The following PNN variants were observed in gnomAD, a reference collection of about 807,000 sequenced individuals.
PNN encodes the protein pinin, desmosome associated protein.
A neutral mutation model predicts 76.6 loss-of-function variants in PNN; 38 were observed. The ratio of observed to expected loss-of-function variants is 0.50; its 90% CI spans 0.38 to 0.65. The LOEUF is 0.65. Ranked by LOEUF, PNN falls within the 30% of genes least tolerant of loss-of-function variation. The pLI is 0.00. For missense variants in PNN, 873 were observed against 874.1 expected (o/e 1.00, Z 0.02); for synonymous variants, 366 against 283.7 (o/e 1.29, Z -2.91).
intron 8 of PNN, among the ~76,000 whole-genome samples, chr14:39,180,278 G>A (rs938372232): frequency 1.3e-5 from 2 of 152,186 alleles, no homozygotes; most frequent in Non-Finnish European, 2.9e-5. Flanking sequence ...GTTAGAAAAT[G>A]TGTAGTTCTG....
chr14:39,179,574 T>G, intron 8 of PNN, 112 bp downstream of exon 8: 1 of 983,760 alleles, frequency 1.0e-6, no homozygotes, highest in Non-Finnish European at 1.5e-6. Flanking sequence ...TTTGCTGTGT[T>G]TGCTTTTTTT....
chr14:39,179,634 C>T (rs950954458), intron 8 of PNN, among the ~76,000 whole-genome samples, 172 bp downstream of exon 8: 7 of 151,728 alleles, frequency 4.6e-5, no homozygotes, highest in African/African-American at 1.7e-4. Context: ...TGGCTCACGC[C>T]TGTAATCCCA....
In PNN at chr14:39,176,190, G is replaced by C. The variant is rs756645626; in HGVS notation, c.185+41G>C. 3.7e-6 allele frequency: 4 copies of C among 1,086,348 alleles called. No individual in the cohort carries two copies. The South Asian group carries it at 5.1e-5, about 14-fold the overall frequency. 67.3% of individuals were successfully genotyped at this position (1,086,348 alleles called of 1,614,324 possible). ...GACTTTACTCATGCTGAAACTACTG[G>C]TACTTTACTAAATATGTTGGTTTGA... On this transcript the variant is annotated intron_variant, in intron 2 of 8. Coordinates refer to ENST00000216832, the MANE Select transcript of PNN (RefSeq NM_002687.4).
intron 2 of PNN, 71 bp from the exon 3 acceptor site, chr14:39,176,456 T>C (rs747604955): frequency 2.4e-5 from 28 of 1,185,524 alleles, no homozygotes; most frequent in African/African-American, 4.6e-5. Flanking sequence ...TTTAACCATA[T>C]TCTCTTGTCA....
At chr14:39,176,196 T>G (rs778328605) in intron 2 of PNN, 47 bp downstream of exon 2, 9 of 1,049,998 alleles carry the variant, frequency 8.6e-6, no homozygotes, top group Non-Finnish European at 1.3e-5. Context: ...ACTGGTACTT[T>G]ACTAAATATG....
Position 39,178,246 on chromosome 14 carries a change from C to T in PNN, c.498+330C>T, listed in dbSNP as rs188072770. Among the ~76,000 whole-genome samples, 145 of 152,206 alleles carry T rather than the reference C, an allele frequency of 9.5e-4. 1 individual carries two copies. The highest frequency in any genetic ancestry group is 1.8e-4 in the Non-Finnish European group (12 of 68,012). ...GGTATCCTGAATTGAAAATGTGAAGCGGCCAGGTGCAGTGGCTCATGCCTG... is the reference window on the plus strand; with the variant it reads ...GGTATCCTGAATTGAAAATGTGAAGTGGCCAGGTGCAGTGGCTCATGCCTG... On this transcript the variant is annotated intron_variant, in intron 6 of 8. Transcript: ENST00000216832.
Position 39,177,706 on chromosome 14 carries a change from A to T in PNN, c.422+19A>T, listed in dbSNP as rs1416661599. Reference sequence around the variant, plus strand: ...AGCAAAGGTATTTCCCTGGGGGAAAAAAACTCTAGTGAAATAATGCAGTTA... The same window carrying T: ...AGCAAAGGTATTTCCCTGGGGGAAATAAACTCTAGTGAAATAATGCAGTTA... On this transcript the variant is annotated intron_variant, in intron 5 of 8. Transcript: ENST00000216832. The T allele has an allele frequency of 3.2e-6, 5 of 1,569,108 alleles. No homozygotes were observed. Among genetic ancestry groups the T allele is most frequent in the Middle Eastern group, 3.3e-4 (2 of 5,990 alleles).
Position 39,180,951 on chromosome 14 carries a change from A to G in PNN, c.1242A>G (p.Val414=). The part of the protein sequence containing the change: ...EVMETNRVES[V]EPSENEASKE... ...TGGAAACTAATCGAGTTGAAAGTGT[A>G]GAACCTTCAGAAAATGAAGCTAGCA... The change falls in exon 9 of 9, where the codon GTA becomes GTG. Residue 414 remains valine (V), a synonymous_variant. Coordinates refer to ENST00000216832, the MANE Select transcript of PNN (RefSeq NM_002687.4). 3.7e-6 allele frequency: 6 copies of G among 1,613,990 alleles called. No individual in the cohort carries two copies. The highest frequency in any genetic ancestry group is 3.4e-6 in the Non-Finnish European group (4 of 1,179,944).
rs376380048 is a variant in PNN at position 39,175,273 on chromosome 14, G to A, written c.-7G>A. 6.4e-6 allele frequency: 10 copies of A among 1,570,634 alleles called. No homozygotes were observed. The highest frequency in any genetic ancestry group is 8.7e-6 in the Non-Finnish European group (10 of 1,144,970). ...TAAAGCAGTCTCAAGCCTGCCGCAG[G>A]GAGAAGATGGCGGTCGCCGTGAGAA... On this transcript the variant is annotated 5_prime_UTR_variant, in exon 1 of 9. Coordinates refer to ENST00000216832, the MANE Select transcript of PNN (RefSeq NM_002687.4).
Position 39,179,111 on chromosome 14 carries a change from T to A in PNN, c.519T>A (p.Ile173=), listed in dbSNP as rs768315207. 1 of 1,610,664 alleles carries A rather than the reference T, an allele frequency of 6.2e-7. No homozygotes were observed. Among genetic ancestry groups the A allele is most frequent in the East Asian group, 2.2e-5 (1 of 44,878 alleles). ...TTTAGCAAAAGCGGCGCCAGGAAATTGAACAAAAACTTGAAGTTCAGGCAG... is the reference window on the plus strand; with the variant it reads ...TTTAGCAAAAGCGGCGCCAGGAAATAGAACAAAAACTTGAAGTTCAGGCAG... ...ATERQKRRQE[I]EQKLEVQAEE... Residue 173 remains isoleucine, a synonymous_variant, in exon 7 of 9, where the codon ATT becomes ATA. Coordinates refer to ENST00000216832, the MANE Select transcript of PNN (RefSeq NM_002687.4).
rs751478710 is a variant in PNN at position 39,175,274 on chromosome 14, G to A, written c.-6G>A. 5.7e-6 allele frequency: 9 copies of A among 1,574,790 alleles called. No individual in the cohort carries two copies. The highest frequency in any genetic ancestry group is 4.1e-5 in the African/African-American group (3 of 74,050). On this transcript the variant is annotated 5_prime_UTR_variant, in exon 1 of 9. Transcript: ENST00000216832. ...AAAGCAGTCTCAAGCCTGCCGCAGG[G>A]AGAAGATGGCGGTCGCCGTGAGAAC...
chr14:39,175,304 C>G lies in PNN; in HGVS notation c.25C>G (p.Gln9Glu). 6.2e-7 allele frequency: 1 copy of G among 1,608,532 alleles called. No homozygotes were observed. Among genetic ancestry groups the G allele is most frequent in the East Asian group, 2.2e-5 (1 of 44,552 alleles). The change falls in exon 1 of 9, where the codon CAG becomes GAG. Residue 9 changes from glutamine (Q) to glutamate (E), a missense_variant. Gln to Glu is a conservative substitution (Grantham distance 29, BLOSUM62 2). Coordinates refer to ENST00000216832, the MANE Select transcript of PNN (RefSeq NM_002687.4). ...GATGGCGGTCGCCGTGAGAACTTTG[C>G]AGGAACAGCTGGAAAAGGCCAAAGA... The part of the protein sequence containing the change: MAVAVRTL[Q>E]EQLEKAKESL...
chr14:39,177,447 G>A lies in PNN; in HGVS notation c.290G>A (p.Arg97His). The A allele has an allele frequency of 9.9e-6, 16 of 1,614,094 alleles. No homozygotes were observed. Among genetic ancestry groups the A allele is most frequent in the East Asian group, 2.2e-5 (1 of 44,884 alleles). The stretch of plus-strand genomic sequence containing the variant: ...GAGCGTCGGACCAGAAGAGAATCAC[G>A]CCAGGAAAGCGACCCGGAGGATGAT... The part of the protein sequence containing the change: ...GGERRTRRES[R>H]QESDPEDDDV... Residue 97 changes from arginine to histidine, a missense_variant, in exon 4 of 9, where the codon CGC (arginine) becomes CAC (histidine). Physicochemically the swap from Arg to His is conservative, Grantham distance 29. This residue lies in a region of PNN where 156 missense variants were observed against 161.7 expected (regional missense o/e 0.96). Coordinates refer to ENST00000216832, the MANE Select transcript of PNN (RefSeq NM_002687.4).
chr14:39,175,893 G>A, intron 1 of PNN, 185 bp from the exon 2 acceptor site: 1 of 572,878 alleles, frequency 1.7e-6, no homozygotes, highest in Non-Finnish European at 3.1e-6. Context: ...CACAGGTCCT[G>A]GAGAAACGAG....
Position 39,181,527 on chromosome 14 carries a change from T to C in PNN, c.1818T>C (p.Ser606=). 6.2e-7 allele frequency: 1 copy of C among 1,602,744 alleles called. No homozygotes were observed. Among genetic ancestry groups the C allele is most frequent in the Admixed American group, 1.7e-5 (1 of 57,278 alleles). ...GTGGAAGTAGTAGCAGTCGCAGTAG[T>C]TCCAGTAGCAGCTCCAGTACAAGTG... ...SSSGSSSSRS[S]SSSSSSTSGS... is the part of the protein sequence containing the mutation. The change falls in exon 9 of 9, where the codon AGT becomes AGC. Residue 606 remains serine, a synonymous_variant. Transcript: ENST00000216832.
chr14:39,176,312 G>GA, intron 2 of PNN, 163 bp downstream of exon 2: 1 of 630,252 alleles, frequency 1.6e-6, no homozygotes, highest in Non-Finnish European at 2.8e-6. Flanking sequence ...TAGTTATCCT[G>GA]AAAAACTGGA....
intron 8 of PNN, 133 bp from the exon 9 acceptor site, chr14:39,180,370 C>T: frequency 1.1e-6 from 1 of 893,360 alleles, no homozygotes. Context: ...ACTTAATTGC[C>T]ATAATCTTTT....
chr14:39,176,101 C>T lies in PNN; in HGVS notation c.137C>T (p.Ala46Val). Residue 46 changes from alanine (A) to valine (V), a missense_variant, in exon 2 of 9, where the codon GCC becomes GTC. Ala to Val is a moderately conservative substitution (Grantham distance 64, BLOSUM62 0). This residue lies in a region of PNN where 156 missense variants were observed against 161.7 expected (regional missense o/e 0.96). Transcript: ENST00000216832. ...DVRPIQARLL[A>V]LSGPGGGRGR... ...AGGCCCATCCAAGCCAGATTGCTGG[C>T]CCTTTCTGGTCCTGGTGGAGGTAGA... The T allele has an allele frequency of 6.2e-7, 1 of 1,608,946 alleles. No homozygotes were observed. Among genetic ancestry groups the T allele is most frequent in the South Asian group, 1.1e-5 (1 of 90,974 alleles).
chr14:39,177,278 T>TGGGAGGATGAGGC, intron 3 of PNN, 134 bp from the exon 4 acceptor site: 1 of 668,920 alleles, frequency 1.5e-6, no homozygotes, highest in Non-Finnish European at 2.6e-6. Context: ...CCCAGCTGCT[T>TGGGAGGATGAGGC]GGGAGGATGA....
Sources: gnomAD v4.1 joint callset for allele counts (sites outside exome capture counted in the v4.1 genomes callset) on GRCh38, gnomAD v4.1.1 for gene constraint, gnomAD v4.1.1 regional missense constraint, MANE v1.5 for transcripts, NCBI Gene and HGNC (gene_info 2026-07-23, HGNC 2026-07-21) for gene names.